Variants in SCN3A observed in about 807,000 individuals in gnomAD.
The protein encoded by SCN3A is sodium channel protein type 3 subunit alpha.
A neutral mutation model predicts 187.6 loss-of-function variants in SCN3A; 60 were observed. The ratio of observed to expected loss-of-function variants is 0.32; its 90% CI spans 0.26 to 0.40. The LOEUF is 0.40. Among genes scored for constraint, SCN3A ranks in the 10% least tolerant of loss-of-function variants. The pLI is 1.00. For synonymous variants in SCN3A, 788 were observed against 829.2 expected, an observed-to-expected ratio of 0.95 and a Z score of 0.85; for missense variants, 1,601 against 2,428.2, an observed-to-expected ratio of 0.66 and a Z score of 7.16.
intron 21 of SCN3A, among the ~76,000 whole-genome samples, chr2:165,104,012 T>C (rs779980613): frequency 6.6e-5 from 10 of 152,088 alleles, no homozygotes; most frequent in Admixed American, 1.3e-4. Context: ...AGATATATTG[T>C]TGTTATCTTA....
At chr2:165,152,288 A>T (rs1397755344) in intron 11 of SCN3A, among the ~76,000 whole-genome samples, 1 of 152,184 alleles carries the variant, frequency 6.6e-6, no homozygotes, top group South Asian at 2.1e-4. Context: ...TGTATTGTGT[A>T]TGTTCACAAT....
intron 2 of SCN3A, among the ~76,000 whole-genome samples, chr2:165,181,133 AT>A: frequency 6.6e-6 from 1 of 152,312 alleles, no homozygotes; most frequent in Admixed American, 6.5e-5. Context: ...AAGAGAATAC[AT>A]TTAGATTTTC....
At chr2:165,109,914 A>G (rs914327195) in intron 21 of SCN3A, among the ~76,000 whole-genome samples, 2 of 152,142 alleles carry the variant, frequency 1.3e-5, no homozygotes, top group African/African-American at 4.8e-5. Flanking sequence ...ATCACATACA[A>G]GTACGCCAGT....
intron 12 of SCN3A, among the ~76,000 whole-genome samples, chr2:165,142,722 C>CAT (rs1688080964): frequency 8.9e-6 from 1 of 111,916 alleles, no homozygotes; most frequent in Admixed American, 9.1e-5. Context: ...ATCCAGAACT[C>CAT]GTGTTGTTGT....
At chr2:165,146,705 C>A (rs1688357055) in intron 12 of SCN3A, 34 bp downstream of exon 12, 2 of 1,612,836 alleles carry the variant, frequency 1.2e-6, no homozygotes, top group African/African-American at 1.3e-5. Context: ...ATAGCAATGA[C>A]AAAGAAACCA....
At chr2:165,161,125 T>C (rs544877496) in intron 9 of SCN3A, among the ~76,000 whole-genome samples, 3 of 146,210 alleles carry the variant, frequency 2.1e-5, no homozygotes, top group South Asian at 2.2e-4. Context: ...CTTTTCTTTT[T>C]TTTCTTTCTT....
intron 26 of SCN3A, chr2:165,094,110 T>C (rs1685245443): frequency 6.4e-6 from 3 of 466,118 alleles, no homozygotes; most frequent in Non-Finnish European, 1.2e-5. Context: ...AGCAGGAAAG[T>C]GAACCTTGCT....
chr2:165,168,682 T>C (rs1417525085), intron 5 of SCN3A, 54 bp downstream of exon 5: 1 of 1,196,932 alleles, frequency 8.4e-7, no homozygotes, highest in African/African-American at 1.5e-5. Context: ...CACAAGGAGA[T>C]TGCTAGAGAA....
intron 5 of SCN3A, among the ~76,000 whole-genome samples, chr2:165,166,253 G>C (rs952748153): frequency 6.6e-6 from 1 of 152,108 alleles, no homozygotes; most frequent in Non-Finnish European, 1.5e-5. Context: ...GGCTGTCCAT[G>C]GAAGAGAGTC....
At chr2:165,120,435 G>T (rs945293147) in intron 18 of SCN3A, among the ~76,000 whole-genome samples, 9 of 151,728 alleles carry the variant, frequency 5.9e-5, no homozygotes, top group African/African-American at 2.2e-4. Flanking sequence ...AACTTTCAGA[G>T]ATAGAAGAGA....
chr2:165,151,461 C>G (rs940412506), intron 11 of SCN3A, among the ~76,000 whole-genome samples: 1 of 152,154 alleles, frequency 6.6e-6, no homozygotes, highest in African/African-American at 2.4e-5. Flanking sequence ...GATTTGCTCT[C>G]TCCTGAAGCA....
At chr2:165,180,033 T>C (rs1040851638) in intron 2 of SCN3A, among the ~76,000 whole-genome samples, 7 of 152,062 alleles carry the variant, frequency 4.6e-5, no homozygotes, top group African/African-American at 1.7e-4. Context: ...AGAGCTATCT[T>C]TGCAAGGACA....
At position 165,097,651 on chromosome 2, in the gene SCN3A, T is replaced by C. The variant is rs979268624; in HGVS notation, c.3967-127A>G. 7 of 1,178,092 alleles carry C rather than the reference T, an allele frequency of 5.9e-6. No homozygotes were observed. In the African/African-American group the frequency reaches 9.2e-5, roughly 15 times the overall value. The allele number at this position is 1,178,092 out of a possible 1,614,324, so 73.0% of individuals were successfully genotyped here. On this transcript the variant is annotated intron_variant, in intron 22 of 27. Coordinates refer to ENST00000283254, the MANE Select transcript of SCN3A (RefSeq NM_006922.4). ...AATAAAAATCTAGGTGGACAAGTTG[T>C]TTCTTCTAATTTTTCTAGCACATAT... is the stretch of plus-strand genomic sequence containing the variant.
chr2:165,095,616 C>A lies in SCN3A; in HGVS notation c.4326G>T (p.Leu1442=). 1 of 1,513,670 alleles carries A rather than the reference C, an allele frequency of 6.6e-7. No homozygotes were observed. The highest frequency in any genetic ancestry group is 9.2e-7 in the Non-Finnish European group (1 of 1,089,716). The allele number at this position is 1,513,670 out of a possible 1,614,324, so 93.8% of individuals were successfully genotyped here. The change falls in exon 25 of 28, where the codon CTG becomes CTT. Residue 1442 remains leucine (L), a synonymous_variant. Coordinates refer to ENST00000283254, the MANE Select transcript of SCN3A (RefSeq NM_006922.4). The stretch of plus-strand genomic sequence containing the variant: ...AGATGACAAAGTATAAATACATGTA[C>A]AGATTTTCTTCATATACAGGCTGAA... ...VKLQPVYEEN[L]YMYLYFVIFI...
intron 18 of SCN3A, among the ~76,000 whole-genome samples, chr2:165,116,617 T>TG (rs1686379596): frequency 6.6e-6 from 1 of 152,124 alleles, no homozygotes; most frequent in Non-Finnish European, 1.5e-5. Context: ...AGAGTTACTG[T>TG]GTTATTTTTA....
At chr2:165,164,664 TCATTTAG>T in intron 5 of SCN3A, 144 bp from the exon 6 acceptor site, 3 of 925,170 alleles carry the variant, frequency 3.2e-6, no homozygotes, top group Non-Finnish European at 4.9e-6. Flanking sequence ...AATAATCTAT[TCATTTAG>T]TTAGTTTTAC....
intron 12 of SCN3A, among the ~76,000 whole-genome samples, chr2:165,142,304 C>G (rs1219198028): frequency 6.6e-6 from 1 of 152,116 alleles, no homozygotes; most frequent in Non-Finnish European, 1.5e-5. Context: ...TTCTTGGTTC[C>G]TCTGCCTAAT....
Position 165,155,744 on chromosome 2 carries a change from T to A in SCN3A, c.1173+18A>T. 6.2e-7 allele frequency: 1 copy of A among 1,613,776 alleles called. No individual in the cohort carries two copies. On this transcript the variant is annotated intron_variant, in intron 10 of 27. Transcript: ENST00000283254. ...TGTCTATAAAAATAAATGTTATGCA[T>A]GCTCATTTGGACCTTACCAACTGGT...
intron 22 of SCN3A, among the ~76,000 whole-genome samples, chr2:165,097,827 T>G (rs1313550975): frequency 2.0e-5 from 3 of 152,290 alleles, no homozygotes; most frequent in Middle Eastern, 3.4e-3. Flanking sequence ...AATAGAAAGA[T>G]GCATTAAATG....
Sources: allele counts gnomAD v4.1 joint callset (sites outside exome capture counted in the v4.1 genomes callset), GRCh38; gene constraint gnomAD v4.1.1; transcripts MANE v1.5; gene names NCBI Gene and HGNC (gene_info 2026-07-23, HGNC 2026-07-21).